SULF2: variants seen among roughly 807,000 people sequenced by gnomAD.
The protein encoded by SULF2 is extracellular sulfatase Sulf-2.
A neutral mutation model predicts 107.7 loss-of-function variants in SULF2; 52 were observed. That is an observed-to-expected ratio of 0.48 (90% CI 0.39 to 0.61). SULF2 has a LOEUF of 0.61. Among genes scored for constraint, SULF2 ranks in the 20% least tolerant of loss-of-function variants. SULF2 has a pLI of 0.00. For synonymous variants in SULF2, 460 were observed against 464.3 expected (o/e 0.99, Z 0.12); for missense variants, 993 against 1,177.3 (o/e 0.84, Z 2.29).
At chr20:47,772,639 TC>T (rs1164326832) in intron 1 of SULF2, among the ~76,000 whole-genome samples, 1 of 152,024 alleles carries the variant, frequency 6.6e-6, no homozygotes, top group African/African-American at 2.4e-5. Context: ...AAATGGCATT[TC>T]CAATGTAGTC....
chr20:47,695,662 G>T (rs906410896), intron 4 of SULF2, among the ~76,000 whole-genome samples: 3 of 152,210 alleles, frequency 2.0e-5, no homozygotes, highest in African/African-American at 7.2e-5. Context: ...CGGCCAGGCT[G>T]GAGTGCAGTG....
In SULF2 at chr20:47,703,010, G is replaced by C. The variant is rs1487873675; in HGVS notation, c.416-340C>G. On this transcript the variant is annotated intron_variant, in intron 3 of 20. Coordinates refer to ENST00000688720, the MANE Select transcript of SULF2 (RefSeq NM_001387048.1). ...GGCTCATTGCAACCTCTGCCTCCCAGGTTTCAAGCAATTCTCCTGCCTCAG... is the reference window on the plus strand; with the variant it reads ...GGCTCATTGCAACCTCTGCCTCCCACGTTTCAAGCAATTCTCCTGCCTCAG... 2.0e-5 allele frequency among the ~76,000 whole-genome samples: 3 copies of C among 152,286 alleles called. No homozygotes were observed. In the East Asian group the frequency reaches 5.8e-4, roughly 29 times the overall value.
intron 1 of SULF2, among the ~76,000 whole-genome samples, chr20:47,782,091 ATTACT>A (rs2090843310): frequency 1.3e-5 from 2 of 152,094 alleles, no homozygotes; most frequent in South Asian, 2.1e-4. Flanking sequence ...AAGGAACCTG[ATTACT>A]TTACAGTTCT....
At position 47,661,849 on chromosome 20, in the gene SULF2, T is replaced by A; in HGVS notation, c.2418A>T (p.Leu806=). The change falls in exon 18 of 21, where the codon CTA becomes CTT. Residue 806 remains leucine, a synonymous_variant. Transcript: ENST00000688720. ...NTLDRDVLNQ[L]HVQLMELRSC... ...TCCTCAGCTCCATGAGCTGTACGTG[T>A]AGCTGGTTGAGGACATCCCTGTCCA... The A allele has an allele frequency of 6.3e-7, 1 of 1,595,674 alleles. No individual in the cohort carries two copies. The highest frequency in any genetic ancestry group is 1.7e-5 in the Admixed American group (1 of 58,772).
chr20:47,663,984 A>G, intron 15 of SULF2, 146 bp downstream of exon 15: 1 of 836,748 alleles, frequency 1.2e-6, no homozygotes, highest in Non-Finnish European at 1.8e-6. Flanking sequence ...GTTGATTGGG[A>G]AGTAAGGCCT....
At chr20:47,742,861 A>C (rs750201068) in intron 2 of SULF2, among the ~76,000 whole-genome samples, 4 of 151,614 alleles carry the variant, frequency 2.6e-5, no homozygotes, top group Non-Finnish European at 5.9e-5. Flanking sequence ...TAAAGGTCTA[A>C]GTCAGAGCAA....
At chr20:47,772,479 G>A (rs1195888015) in intron 1 of SULF2, among the ~76,000 whole-genome samples, 1 of 152,228 alleles carries the variant, frequency 6.6e-6, no homozygotes, top group African/African-American at 2.4e-5. Flanking sequence ...GCTTGCCAAG[G>A]CCTCTGCGCT....
Position 47,663,495 on chromosome 20 carries a change from T to C in SULF2, c.2185A>G (p.Thr729Ala), listed in dbSNP as rs747633769. 4.3e-6 allele frequency: 7 copies of C among 1,611,668 alleles called. No homozygotes were observed. The highest frequency in any genetic ancestry group is 1.1e-5 in the South Asian group (1 of 91,086). ...GTCTGCCAGTGCTGGTTGTCGTGGGTGAAGCACGTGAGGCCTGGCATGCTG... is the reference window on the plus strand; with the variant it reads ...GTCTGCCAGTGCTGGTTGTCGTGGGCGAAGCACGTGAGGCCTGGCATGCTG... Reference protein sequence around the residue: ...TCSMPGLTCFTHDNQHWQTAP... With the variant: ...TCSMPGLTCFAHDNQHWQTAP... The change falls in exon 16 of 21, where the codon ACC (threonine) becomes GCC (alanine). Residue 729 changes from threonine (T) to alanine (A), a missense_variant. Around this residue, in one of 3 missense-constraint regions of SULF2, gnomAD observed 497 missense variants for 544.1 expected, o/e 0.91. Coordinates refer to ENST00000688720, the MANE Select transcript of SULF2 (RefSeq NM_001387048.1).
chr20:47,726,792 C>A (rs2089455044), intron 3 of SULF2, among the ~76,000 whole-genome samples: 1 of 152,184 alleles, frequency 6.6e-6, no homozygotes, highest in African/African-American at 2.4e-5. Context: ...ACTCTGAAAC[C>A]CCCGGAAGCC....
chr20:47,702,454 C>G (rs1602683033), intron 4 of SULF2, 65 bp downstream of exon 4: 1 of 1,563,672 alleles, frequency 6.4e-7, no homozygotes, highest in African/African-American at 1.4e-5. Context: ...TAGTCTGGCT[C>G]CTGAGTTGGG....
At position 47,666,859 on chromosome 20, in the gene SULF2, C is replaced by T. The variant is rs1411469130; in HGVS notation, c.1577-371G>A. Among the ~76,000 whole-genome samples the T allele has an allele frequency of 2.6e-5, 4 of 152,190 alleles. No homozygotes were observed. The highest frequency in any genetic ancestry group is 9.7e-5 in the African/African-American group (4 of 41,448). ...AGCGTGGATGAATGTCAAAAGCAGG[C>T]GGAGTGAAACCAGCCAGACACAAAG... On this transcript the variant is annotated intron_variant, in intron 11 of 20. Coordinates refer to ENST00000688720, the MANE Select transcript of SULF2 (RefSeq NM_001387048.1). The surrounding 1 kb of genome is among the most constrained non-coding windows in gnomAD (Gnocchi z 5.4).
At chr20:47,764,956 G>T (rs976948035) in intron 1 of SULF2, among the ~76,000 whole-genome samples, 1 of 152,110 alleles carries the variant, frequency 6.6e-6, no homozygotes, top group South Asian at 2.1e-4. Flanking sequence ...GATAAGGCAC[G>T]GACAGGTTCC....
At chr20:47,716,039 A>G (rs1388233116) in intron 3 of SULF2, among the ~76,000 whole-genome samples, 1 of 152,162 alleles carries the variant, frequency 6.6e-6, no homozygotes, top group Non-Finnish European at 1.5e-5. Flanking sequence ...CCATTTGTGG[A>G]TGTGCTTTAT....
intron 1 of SULF2, among the ~76,000 whole-genome samples, chr20:47,764,984 G>C (rs547757168): frequency 1.3e-5 from 2 of 152,222 alleles, no homozygotes; most frequent in East Asian, 3.9e-4. Context: ...GCCCAGTGTC[G>C]TGCAGCATGG....
chr20:47,786,027 GAC>G (rs931272950), upstream of SULF2: 2 of 152,062 alleles, frequency 1.3e-5, no homozygotes, highest in African/African-American at 2.4e-5. Context: ...CCCTCGCCGG[GAC>G]ACACAGACGC....
At chr20:47,746,300 C>T (rs572849145) in intron 2 of SULF2, among the ~76,000 whole-genome samples, 3 of 152,320 alleles carry the variant, frequency 2.0e-5, no homozygotes, top group East Asian at 3.9e-4. Flanking sequence ...GGGTCAGGTA[C>T]AGGTTGGAAC....
chr20:47,676,457 G>C (rs2087643655), intron 10 of SULF2, 37 bp downstream of exon 10: 9 of 1,596,984 alleles, frequency 5.6e-6, no homozygotes, highest in Non-Finnish European at 7.7e-6. Context: ...CTGCAGTCAG[G>C]AGGGGGAGCC....
intron 3 of SULF2, among the ~76,000 whole-genome samples, chr20:47,709,767 T>C (rs2088864131): frequency 6.6e-6 from 1 of 151,626 alleles, no homozygotes; most frequent in Admixed American, 6.6e-5. Flanking sequence ...TGTGTGTGTG[T>C]GTAAAGCAAT....
At chr20:47,688,924 C>T (rs2088105091) in intron 5 of SULF2, among the ~76,000 whole-genome samples, 2 of 151,928 alleles carry the variant, frequency 1.3e-5, no homozygotes, top group Non-Finnish European at 2.9e-5. Flanking sequence ...ACCACCCCAT[C>T]CTTGCAGCCC....
Sources: gnomAD v4.1 joint callset for allele counts (sites outside exome capture counted in the v4.1 genomes callset) on GRCh38, gnomAD v4.1.1 for gene constraint, gnomAD v4.1.1 regional missense constraint, Gnocchi (gnomAD v3.1) non-coding constraint, MANE v1.5 for transcripts, NCBI Gene and HGNC (gene_info 2026-07-23, HGNC 2026-07-21) for gene names.